Variants in SENP5 observed in about 807,000 individuals in gnomAD.
The protein encoded by SENP5 is sentrin-specific protease 5.
A neutral mutation model predicts 74.2 loss-of-function variants in SENP5; 21 were observed. The ratio of observed to expected loss-of-function variants is 0.28; its 90% CI spans 0.20 to 0.41. SENP5 has a LOEUF of 0.41. SENP5 is among the 10% of genes least tolerant of loss of function. SENP5 has a pLI of 1.00. For missense variants in SENP5, 717 were observed against 889.1 expected (o/e 0.81, Z 2.46); for synonymous variants, 311 against 312.7 (o/e 0.99, Z 0.06).
intron 2 of SENP5, among the ~76,000 whole-genome samples, chr3:196,891,825 C>G (rs1168277241): frequency 6.6e-6 from 1 of 152,180 alleles, no homozygotes; most frequent in Admixed American, 6.5e-5. Flanking sequence ...GAGTCTCACT[C>G]TTTCTCCCAG....
chr3:196,884,884 C>T (rs925008595), intron 1 of SENP5, among the ~76,000 whole-genome samples: 7 of 151,972 alleles, frequency 4.6e-5, no homozygotes, highest in Admixed American at 4.6e-4. Context: ...TGAGCCACTG[C>T]GCCTGGTCGA....
At chr3:196,899,571 G>C in intron 2 of SENP5, 95 bp from the exon 3 acceptor site, 1 of 727,640 alleles carries the variant, frequency 1.4e-6, no homozygotes, top group Non-Finnish European at 2.5e-6. Context: ...CACTGTATGT[G>C]TTAAGTGCTG....
chr3:196,899,528 T>C, intron 2 of SENP5, 138 bp from the exon 3 acceptor site: 1 of 460,168 alleles, frequency 2.2e-6, no homozygotes, highest in Non-Finnish European at 3.9e-6. Flanking sequence ...TTTAAAAATA[T>C]AGTATCAATA....
chr3:196,903,224 C>T (rs1714771227), intron 5 of SENP5, among the ~76,000 whole-genome samples: 1 of 152,204 alleles, frequency 6.6e-6, no homozygotes, highest in South Asian at 2.1e-4. Flanking sequence ...ACTACAACCT[C>T]TGCCTCCCAG....
intron 1 of SENP5, among the ~76,000 whole-genome samples, chr3:196,877,501 A>G (rs917042429): frequency 2.6e-5 from 4 of 152,270 alleles, no homozygotes; most frequent in African/African-American, 7.2e-5. Flanking sequence ...TCGCTATTTT[A>G]AAAAATAAAT....
In SENP5 at chr3:196,905,587, T is replaced by C. The variant is rs570137497; in HGVS notation, c.1884+1977T>C. On this transcript the variant is annotated intron_variant, in intron 6 of 9. Transcript: ENST00000323460. ...TTCTTACCTACATTTAGCAGTTTAT[T>C]ATATAGGATATTACAAAGGATTCAG... Among the ~76,000 whole-genome samples the C allele has an allele frequency of 8.5e-5, 13 of 152,272 alleles. No homozygotes were observed. The South Asian group carries it at 1.2e-3, about 15-fold the overall frequency.
chr3:196,871,147 G>T (rs1713198668), intron 1 of SENP5, among the ~76,000 whole-genome samples: 1 of 151,872 alleles, frequency 6.6e-6, no homozygotes, highest in African/African-American at 2.4e-5. Flanking sequence ...TCCAGCTTTG[G>T]CAACAGGGTG....
rs547397322 is a variant in SENP5, at chr3:196,884,777, A to G, written c.-31-374A>G. On this transcript the variant is annotated intron_variant, in intron 1 of 9. Coordinates refer to ENST00000323460, the MANE Select transcript of SENP5 (RefSeq NM_152699.5). The stretch of plus-strand genomic sequence containing the variant: ...AACCTCCACCTCCCAGGTTCAAGCA[A>G]TTCTCCTGCCTCAGCCTCACCAGGA... Among the ~76,000 whole-genome samples the G allele has an allele frequency of 2.6e-5, 4 of 151,942 alleles. No individual in the cohort carries two copies. The South Asian group carries it at 6.2e-4, about 24-fold the overall frequency.
intron 5 of SENP5, among the ~76,000 whole-genome samples, chr3:196,901,187 A>G (rs1289783639): frequency 6.6e-6 from 1 of 151,542 alleles, no homozygotes; most frequent in African/African-American, 2.4e-5. Flanking sequence ...CTGGGATTAC[A>G]GGTGTGTGCC....
intron 9 of SENP5, 110 bp downstream of exon 9, chr3:196,929,793 A>G (rs1167504158): frequency 1.3e-6 from 1 of 746,900 alleles, no homozygotes; most frequent in East Asian, 2.6e-5. Flanking sequence ...GGTACGAGCA[A>G]CGGAGTACTT....
At chr3:196,922,701 A>G (rs1350161217) in intron 6 of SENP5, among the ~76,000 whole-genome samples, 1 of 151,866 alleles carries the variant, frequency 6.6e-6, no homozygotes, top group East Asian at 1.9e-4. Context: ...GCTCAGTGCA[A>G]CCTCCGCCTC....
intron 6 of SENP5, among the ~76,000 whole-genome samples, chr3:196,908,182 C>T (rs1331956573): frequency 1.1e-4 from 16 of 151,974 alleles, no homozygotes; most frequent in Admixed American, 2.0e-4. Flanking sequence ...CAGAAGGCTG[C>T]GGTGGGAGGA....
At chr3:196,870,602 C>T (rs1713171269) in intron 1 of SENP5, among the ~76,000 whole-genome samples, 1 of 152,000 alleles carries the variant, frequency 6.6e-6, no homozygotes, top group Admixed American at 6.6e-5. Context: ...ACTGCAACTT[C>T]CGCCTCCCGG....
intron 2 of SENP5, among the ~76,000 whole-genome samples, chr3:196,896,951 G>A (rs566638897): frequency 2.6e-4 from 39 of 152,180 alleles, no homozygotes; most frequent in African/African-American, 6.7e-4. Context: ...CATTTCTACC[G>A]AATAAGAAAT....
rs149596496 is a variant in SENP5, at chr3:196,883,164, C to A, written c.-31-1987C>A. On this transcript the variant is annotated intron_variant, in intron 1 of 9. Transcript: ENST00000323460. Reference sequence around the variant, plus strand: ...TTCACTATTTTATCTAAAGGATAAACTTCCAATCTTGGGTGGGGGAGGGTC... The same window carrying A: ...TTCACTATTTTATCTAAAGGATAAAATTCCAATCTTGGGTGGGGGAGGGTC... 4.0e-3 allele frequency among the ~76,000 whole-genome samples: 605 copies of A among 152,132 alleles called. 7 individuals are homozygous for A. The highest frequency in any genetic ancestry group is 0.014 in the African/African-American group (568 of 41,522).
chr3:196,881,897 T>TTG (rs1189334189), intron 1 of SENP5, among the ~76,000 whole-genome samples: 1 of 30,510 alleles, frequency 3.3e-5, no homozygotes, highest in Non-Finnish European at 5.5e-5. Flanking sequence ...ATAGTATTAG[T>TTG]TTTTTTTTTT....
intron 2 of SENP5, among the ~76,000 whole-genome samples, chr3:196,890,539 A>G (rs537515016): frequency 4.1e-4 from 60 of 147,994 alleles, no homozygotes; most frequent in Non-Finnish European, 6.3e-4. Context: ...TTGCAATGAC[A>G]GTAGCGGGTT....
chr3:196,869,356 A>G (rs1713102027), intron 1 of SENP5, among the ~76,000 whole-genome samples: 1 of 150,754 alleles, frequency 6.6e-6, no homozygotes, highest in African/African-American at 2.4e-5. Context: ...GGTGCCCGCC[A>G]TCGCGCCCGG....
chr3:196,891,211 T>C (rs1714186002), intron 2 of SENP5, among the ~76,000 whole-genome samples: 1 of 152,188 alleles, frequency 6.6e-6, no homozygotes, highest in Admixed American at 6.5e-5. Context: ...TAACATATGA[T>C]TTCGTTCATT....
Sources: allele counts gnomAD v4.1 joint callset (sites outside exome capture counted in the v4.1 genomes callset), GRCh38; gene constraint gnomAD v4.1.1; transcripts MANE v1.5; gene names NCBI Gene and HGNC (gene_info 2026-07-23, HGNC 2026-07-21).